Variants in CDC45 observed in about 807,000 individuals in gnomAD.
CDC45 encodes cell division control protein 45 homolog.
A neutral mutation model predicts 77.8 loss-of-function variants in CDC45; 54 were observed. That is an observed-to-expected ratio of 0.69 (90% CI 0.56 to 0.87). The LOEUF (loss-of-function observed/expected upper bound fraction) is 0.87, where lower values mean the gene tolerates loss of function less well. Ranked by LOEUF, CDC45 falls within the 40% of genes least tolerant of loss-of-function variation. CDC45 has a pLI of 0.00. For synonymous variants in CDC45, 260 were observed against 272.1 expected, an observed-to-expected ratio of 0.96 and a Z score of 0.44; for missense variants, 649 against 721.6, an observed-to-expected ratio of 0.90 and a Z score of 1.15.
chr22:19,484,058 C>T (rs368874602), intron 5 of CDC45, 53 bp downstream of exon 5: 77 of 1,532,808 alleles, frequency 5.0e-5, no homozygotes, highest in South Asian at 1.5e-4. Flanking sequence ...TCCCAGAGGT[C>T]GGAGGTCATC....
chr22:19,518,432 T>C (rs1381479876), intron 17 of CDC45, among the ~76,000 whole-genome samples: 1 of 152,162 alleles, frequency 6.6e-6, no homozygotes, highest in African/African-American at 2.4e-5. Context: ...TGTCCCCTTG[T>C]GCGGAAGAGA....
chr22:19,488,275 A>T (rs1370245867), intron 5 of CDC45, among the ~76,000 whole-genome samples: 1 of 152,256 alleles, frequency 6.6e-6, no homozygotes, highest in Non-Finnish European at 1.5e-5. Context: ...CCTTATGCTC[A>T]TGGATTCTGT....
rs2090007063 is a variant in CDC45, at chr22:19,482,938, C to G, written c.342+111C>G. On this transcript the variant is annotated intron_variant, in intron 4 of 18. Transcript: ENST00000263201. ...TCTGACTACCCTGTGGGACTGGGAACAGCCTGAACACAAGAACTTGGTCTT... is the reference window on the plus strand; with the variant it reads ...TCTGACTACCCTGTGGGACTGGGAAGAGCCTGAACACAAGAACTTGGTCTT... 3 of 848,282 alleles carry G rather than the reference C, an allele frequency of 3.5e-6. No individual in the cohort carries two copies. In the African/African-American group the frequency reaches 5.2e-5, roughly 15 times the overall value. 52.5% of individuals were successfully genotyped at this position (848,282 alleles called of 1,614,324 possible).
At chr22:19,508,408 C>T in intron 12 of CDC45, 122 bp from the exon 13 acceptor site, 1 of 1,024,132 alleles carries the variant, frequency 9.8e-7, no homozygotes, top group South Asian at 1.4e-5. Flanking sequence ...CTCTGAGCAG[C>T]ATGGCTGTGC....
chr22:19,509,742 G>A (rs1052957554), intron 13 of CDC45, among the ~76,000 whole-genome samples: 3 of 152,118 alleles, frequency 2.0e-5, no homozygotes, highest in Non-Finnish European at 4.4e-5. Context: ...TTTAGGAGGA[G>A]GAGGCATGAT....
chr22:19,486,907 A>C (rs1188068875), intron 5 of CDC45, among the ~76,000 whole-genome samples: 1 of 152,064 alleles, frequency 6.6e-6, no homozygotes, highest in Non-Finnish European at 1.5e-5. Flanking sequence ...CGATCTCCTG[A>C]CCTCATGATC....
intron 16 of CDC45, 41 bp downstream of exon 16, chr22:19,516,686 G>T (rs372589048): frequency 1.0e-5 from 16 of 1,571,484 alleles, no homozygotes; most frequent in Middle Eastern, 1.7e-4. Flanking sequence ...AGGGTCGGGG[G>T]TGTTGGGGTT....
In CDC45 at chr22:19,508,129, T is replaced by G. The variant is rs138768859; in HGVS notation, c.1055+265T>G. ...TCCTAGGATCCTTGGATCCTAGGGC[T>G]GCTGTGGGACCTGTGAGGTCGACCC... On this transcript the variant is annotated intron_variant, in intron 12 of 18. Transcript: ENST00000263201. Among the ~76,000 whole-genome samples the G allele has an allele frequency of 7.6e-3, 1,153 of 152,254 alleles. 14 individuals are homozygous for G. The highest frequency in any genetic ancestry group is 0.024 in the African/African-American group (994 of 41,562).
Position 19,516,832 on chromosome 22 carries a change from G to T in CDC45, c.1575G>T (p.Ala525=), listed in dbSNP as rs201926336. 4.1e-5 allele frequency: 66 copies of T among 1,613,996 alleles called. No homozygotes were observed. In the Admixed American group the frequency reaches 9.7e-4, roughly 24 times the overall value. The change falls in exon 17 of 19, where the codon GCG becomes GCT. Residue 525 remains alanine, a synonymous_variant. Transcript: ENST00000263201. ...GTGTCAGCAGCTTTTTTGGGAGGGC[G>T]TTTGAGAAGGCAGCGGAAAGCACCA... The part of the protein sequence containing the change: ...SSDRKNFFGR[A]FEKAAESTSS...
At chr22:19,505,579 G>A (rs1016151294) in intron 10 of CDC45, 98 bp downstream of exon 10, 10 of 1,395,470 alleles carry the variant, frequency 7.2e-6, no homozygotes, top group African/African-American at 2.8e-5. Flanking sequence ...CACATCCCCA[G>A]GAGGGAAAGC....
At chr22:19,480,299 C>A in intron 2 of CDC45, 82 bp downstream of exon 2, 1 of 1,289,530 alleles carries the variant, frequency 7.8e-7, no homozygotes, top group Non-Finnish European at 1.1e-6. Context: ...GGCAGAGTGT[C>A]AGGATGGGTG....
Position 19,511,896 on chromosome 22 carries a change from T to G in CDC45, c.1218-2853T>G, listed in dbSNP as rs140760375. ...CACTTTAATAGTTTTAGCCCTTACA[T>G]TAGGAGTATGATTCACTGGAGGTTT... On this transcript the variant is annotated intron_variant, in intron 13 of 18. Coordinates refer to ENST00000263201, the MANE Select transcript of CDC45 (RefSeq NM_003504.5). Among the ~76,000 whole-genome samples, 979 of 150,928 alleles carry G rather than the reference T, an allele frequency of 6.5e-3. 14 individuals are homozygous for G. Among genetic ancestry groups the G allele is most frequent in the Non-Finnish European group, 9.4e-3 (640 of 67,806 alleles).
chr22:19,502,055 C>T (rs1219541652), intron 9 of CDC45, among the ~76,000 whole-genome samples: 1 of 152,142 alleles, frequency 6.6e-6, no homozygotes, highest in African/African-American at 2.4e-5. Flanking sequence ...ATCAGATGTT[C>T]ACCTAAGAAC....
At chr22:19,492,492 C>T (rs1220218746) in intron 5 of CDC45, among the ~76,000 whole-genome samples, 1 of 152,076 alleles carries the variant, frequency 6.6e-6, no homozygotes, top group East Asian at 1.9e-4. Flanking sequence ...GCTGAGGCTT[C>T]CCGGCTTTCA....
chr22:19,480,949 C>T lies in CDC45; in HGVS notation c.112-4C>T. 2 of 1,603,484 alleles carry T rather than the reference C, an allele frequency of 1.2e-6. No homozygotes were observed. The highest frequency in any genetic ancestry group is 2.2e-5 in the South Asian group (2 of 90,008). On this transcript the variant is annotated splice_region_variant and splice_polypyrimidine_tract_variant and intron_variant, in intron 2 of 18. Coordinates refer to ENST00000263201, the MANE Select transcript of CDC45 (RefSeq NM_003504.5). The stretch of plus-strand genomic sequence containing the variant: ...GATAGGCTTTGAAAACACTCTCTCT[C>T]CAGGCCTTGTTCCAGTGTGACCACG...
intron 10 of CDC45, among the ~76,000 whole-genome samples, chr22:19,506,235 C>T (rs1933164989): frequency 1.3e-5 from 2 of 152,094 alleles, no homozygotes; most frequent in Admixed American, 1.3e-4. Flanking sequence ...AGGGTGGACA[C>T]GTCAGTAGTC....
chr22:19,483,072 T>C (rs2146332692), intron 4 of CDC45, among the ~76,000 whole-genome samples: 1 of 151,594 alleles, frequency 6.6e-6, no homozygotes, highest in Admixed American at 6.6e-5. Context: ...TGCCTCAGCC[T>C]CCTTAGTAGG....
intron 5 of CDC45, among the ~76,000 whole-genome samples, chr22:19,492,200 G>A (rs534102061): frequency 7.2e-5 from 11 of 152,208 alleles, no homozygotes; most frequent in African/African-American, 2.6e-4. Context: ...CACTGATGAC[G>A]TGAATGTTAG....
At chr22:19,496,426 A>G (rs1246258059) in intron 7 of CDC45, among the ~76,000 whole-genome samples, 3 of 152,220 alleles carry the variant, frequency 2.0e-5, no homozygotes, top group African/African-American at 7.2e-5. Context: ...TAGAAAACCT[A>G]CTATGTCAAT....
Sources: gnomAD v4.1 joint callset for allele counts (sites outside exome capture counted in the v4.1 genomes callset) on GRCh38, gnomAD v4.1.1 for gene constraint, MANE v1.5 for transcripts, NCBI Gene and HGNC (gene_info 2026-07-23, HGNC 2026-07-21) for gene names.